ABCA13: variants seen among roughly 807,000 people sequenced by gnomAD.
The protein encoded by ABCA13 is ATP-binding cassette sub-family A member 13.
Under a neutral mutation model 478.7 loss-of-function variants are expected in ABCA13, and 476 were observed. That is an observed-to-expected ratio of 0.99 (90% CI 0.92 to 1.07). ABCA13 has a LOEUF of 1.07. ABCA13 is among the 50% of genes least tolerant of loss of function. The pLI, the probability that ABCA13 is intolerant of heterozygous loss-of-function variation, is 0.00. For missense variants in ABCA13, 6,060 were observed against 5,910.6 expected, an observed-to-expected ratio of 1.03 and a Z score of -0.83; for synonymous variants, 2,252 against 2,158.9, an observed-to-expected ratio of 1.04 and a Z score of -1.20.
chr7:48,513,985 A>G (rs889457459), intron 51 of ABCA13, among the ~76,000 whole-genome samples: 1 of 152,172 alleles, frequency 6.6e-6, no homozygotes, highest in Non-Finnish European at 1.5e-5. Context: ...TAATGCTTTG[A>G]TCCACTTGTC....
intron 58 of ABCA13, among the ~76,000 whole-genome samples, chr7:48,602,822 A>G (rs55651521): frequency 0.076 from 11,623 of 152,002 alleles, 612 homozygotes; most frequent in African/African-American, 0.15. Context: ...TTTGGACAGT[A>G]TGGCCATTTT....
Position 48,322,216 on chromosome 7 carries a change from C to T in ABCA13, c.9999+4920C>T, listed in dbSNP as rs112905332. Among the ~76,000 whole-genome samples the T allele has an allele frequency of 1.1e-4, 16 of 152,296 alleles. 2 individuals carry two copies. Among genetic ancestry groups the T allele is most frequent in the African/African-American group, 2.4e-4 (10 of 41,574 alleles). On this transcript the variant is annotated intron_variant, in intron 27 of 61. Coordinates refer to ENST00000435803, the MANE Select transcript of ABCA13 (RefSeq NM_152701.5). ...CAGGTCCCATAAAATGGCAGCCCTA[C>T]GTTGGGAACCTGGTGATCCTCTGTC...
At chr7:48,345,168 T>C (rs1807873358) in intron 29 of ABCA13, among the ~76,000 whole-genome samples, 1 of 152,236 alleles carries the variant, frequency 6.6e-6, no homozygotes, top group South Asian at 2.1e-4. Context: ...TAAACAAACC[T>C]ACTGCACTGC....
chr7:48,487,819 A>AAT (rs1487827421), intron 47 of ABCA13, among the ~76,000 whole-genome samples: 1 of 152,028 alleles, frequency 6.6e-6, no homozygotes, highest in Non-Finnish European at 1.5e-5. Context: ...CATGGGGGAG[A>AAT]CCCCAAAGGG....
At chr7:48,225,135 G>GCCTGCCTTCCTTCCTTCCTT (rs1312566145) in intron 5 of ABCA13, among the ~76,000 whole-genome samples, 64 of 69,888 alleles carry the variant, frequency 9.2e-4, no homozygotes, top group Middle Eastern at 7.4e-3. Context: ...CTGCCTGCCT[G>GCCTGCCTTCCTTCCTTCCTT]CCTTCCTTCC....
At chr7:48,371,090 G>T (rs1812560820) in intron 32 of ABCA13, among the ~76,000 whole-genome samples, 1 of 152,258 alleles carries the variant, frequency 6.6e-6, no homozygotes, top group Non-Finnish European at 1.5e-5. Context: ...GATGGTTATA[G>T]ATGTGTGGTC....
chr7:48,419,138 A>T (rs1403731685), intron 41 of ABCA13, among the ~76,000 whole-genome samples: 1 of 152,160 alleles, frequency 6.6e-6, no homozygotes, highest in Non-Finnish European at 1.5e-5. Context: ...ATGGGGCTAA[A>T]CCATTCATGA....
chr7:48,324,320 A>T (rs1411255680), intron 27 of ABCA13, among the ~76,000 whole-genome samples: 1 of 152,176 alleles, frequency 6.6e-6, no homozygotes, highest in African/African-American at 2.4e-5. Flanking sequence ...TTATAAGGAC[A>T]TCAGTTATAT....
chr7:48,307,116 C>G (rs7458688), intron 23 of ABCA13, among the ~76,000 whole-genome samples: 1 of 152,248 alleles, frequency 6.6e-6, no homozygotes, highest in South Asian at 2.1e-4. Flanking sequence ...TAAAATAAAT[C>G]TCTCTCAATG....
intron 15 of ABCA13, among the ~76,000 whole-genome samples, chr7:48,265,305 G>C (rs1388537734): frequency 6.6e-6 from 1 of 151,310 alleles, no homozygotes; most frequent in Non-Finnish European, 1.5e-5. Context: ...TTTAGAATCT[G>C]CTTGTCAGTT....
chr7:48,234,344 T>A, intron 8 of ABCA13, 193 bp downstream of exon 8: 1 of 680,288 alleles, frequency 1.5e-6, no homozygotes, highest in Admixed American at 2.3e-5. Flanking sequence ...TCTTTCTTCT[T>A]ACCATGTAGT....
At position 48,471,410 on chromosome 7, in the gene ABCA13, C is replaced by T. The variant is rs553472055; in HGVS notation, c.12906-120C>T. ...AACAAATGTAAGAGCTCTGCCTTCTCGGCAGTGGGAGATGATTATCTTGTG... is the reference window on the plus strand; with the variant it reads ...AACAAATGTAAGAGCTCTGCCTTCTTGGCAGTGGGAGATGATTATCTTGTG... On this transcript the variant is annotated intron_variant, in intron 44 of 61. Coordinates refer to ENST00000435803, the MANE Select transcript of ABCA13 (RefSeq NM_152701.5). The T allele has an allele frequency of 2.3e-4, 200 of 855,888 alleles. 2 individuals carry two copies. The South Asian group carries it at 2.8e-3, about 12-fold the overall frequency. 53.0% of individuals were successfully genotyped at this position (855,888 alleles called of 1,614,324 possible).
At chr7:48,327,908 G>A (rs1804575209) in intron 27 of ABCA13, among the ~76,000 whole-genome samples, 1 of 152,210 alleles carries the variant, frequency 6.6e-6, no homozygotes, top group African/African-American at 2.4e-5. Context: ...ATATTTATTT[G>A]TTTGTAAGCA....
At chr7:48,551,068 A>G (rs1336088133) in intron 55 of ABCA13, among the ~76,000 whole-genome samples, 1 of 151,618 alleles carries the variant, frequency 6.6e-6, no homozygotes. Context: ...TTAAATATTG[A>G]TGTATTTTTC....
chr7:48,343,231 G>T (rs1563087201), intron 29 of ABCA13, among the ~76,000 whole-genome samples: 1 of 152,062 alleles, frequency 6.6e-6, no homozygotes, highest in Non-Finnish European at 1.5e-5. Context: ...TATTCCTCTA[G>T]ATAATGTTAT....
chr7:48,525,693 T>TTTTA (rs56125184), intron 54 of ABCA13, among the ~76,000 whole-genome samples: 1 of 115,624 alleles, frequency 8.6e-6, no homozygotes, highest in Non-Finnish European at 1.7e-5. Flanking sequence ...TTTTTTTTTT[T>TTTTA]GAGTTATTAT....
intron 34 of ABCA13, among the ~76,000 whole-genome samples, chr7:48,374,956 G>A (rs184876811): frequency 6.2e-4 from 95 of 152,230 alleles, no homozygotes; most frequent in East Asian, 3.1e-3. Context: ...GAGCCTGAAC[G>A]TTATGTGAAC....
intron 1 of ABCA13, among the ~76,000 whole-genome samples, chr7:48,174,555 T>A (rs548286540): frequency 1.8e-4 from 28 of 152,288 alleles, no homozygotes; most frequent in South Asian, 1.4e-3. Context: ...CTCTATAGAT[T>A]GTTAAAATTC....
intron 35 of ABCA13, among the ~76,000 whole-genome samples, chr7:48,382,638 GCA>G (rs948260825): frequency 4.6e-5 from 7 of 152,250 alleles, no homozygotes; most frequent in African/African-American, 1.7e-4. Context: ...TCTGAATCTA[GCA>G]TCCCTCCCAG....
Sources: allele counts gnomAD v4.1 joint callset (sites outside exome capture counted in the v4.1 genomes callset), GRCh38; gene constraint gnomAD v4.1.1; transcripts MANE v1.5; gene names NCBI Gene and HGNC (gene_info 2026-07-23, HGNC 2026-07-21).